AXDND1: variants seen among roughly 807,000 people sequenced by gnomAD.
The protein encoded by AXDND1 is axonemal dynein light chain domain containing 1.
Under a neutral mutation model 137.5 loss-of-function variants are expected in AXDND1, and 110 were observed. That is an observed-to-expected ratio of 0.80 (90% CI 0.69 to 0.94). AXDND1 has a LOEUF of 0.94. AXDND1 is among the 40% of genes least tolerant of loss of function. AXDND1 has a pLI of 0.00. For synonymous variants in AXDND1, 414 were observed against 399.7 expected (o/e 1.04, Z -0.43); for missense variants, 1,191 against 1,169.8 (o/e 1.02, Z -0.26).
At chr1:179,545,962 A>C (rs1219722375) in intron 25 of AXDND1, 1 of 152,192 alleles carries the variant, frequency 6.6e-6, no homozygotes, top group African/African-American at 2.4e-5. Context: ...TTTGAAGGGA[A>C]GTTTTGAAGA....
At chr1:179,476,524 G>A (rs978082784) in intron 17 of AXDND1, among the ~76,000 whole-genome samples, 11 of 151,174 alleles carry the variant, frequency 7.3e-5, no homozygotes, top group African/African-American at 2.4e-4. Context: ...AGGATTTATT[G>A]TAAGGAAAGT....
intron 12 of AXDND1, among the ~76,000 whole-genome samples, chr1:179,414,175 TTGA>T (rs1393009389): frequency 1.4e-5 from 2 of 147,414 alleles, no homozygotes; most frequent in East Asian, 4.0e-4. Flanking sequence ...TTAATAAAGG[TTGA>T]TGAATACAAG....
chr1:179,526,034 A>G (rs1333206040), intron 22 of AXDND1, among the ~76,000 whole-genome samples: 1 of 151,992 alleles, frequency 6.6e-6, no homozygotes, highest in Non-Finnish European at 1.5e-5. Flanking sequence ...TTTTATTCCT[A>G]TTAACTACAC....
At chr1:179,505,655 A>T (rs879298455) in intron 20 of AXDND1, among the ~76,000 whole-genome samples, 6 of 152,002 alleles carry the variant, frequency 3.9e-5, no homozygotes, top group Non-Finnish European at 7.4e-5. Context: ...CTCAAAAAAA[A>T]AAAAAGAAAA....
intron 25 of AXDND1, among the ~76,000 whole-genome samples, chr1:179,539,789 A>G (rs1671937566): frequency 6.6e-6 from 1 of 152,134 alleles, no homozygotes; most frequent in South Asian, 2.1e-4. Context: ...AGTGTTTTCT[A>G]ACTTGATTCC....
intron 9 of AXDND1, among the ~76,000 whole-genome samples, chr1:179,393,316 G>T (rs7515710): frequency 6.6e-6 from 1 of 151,916 alleles, no homozygotes; most frequent in African/African-American, 2.4e-5. Context: ...AGTCTGTTCC[G>T]TTGGTCTATG....
intron 16 of AXDND1, chr1:179,447,717 AC>A: frequency 2.2e-6 from 3 of 1,347,598 alleles, no homozygotes; most frequent in Non-Finnish European, 3.2e-6. Context: ...GCATGACTTT[AC>A]CTAAACTATT....
At position 179,525,427 on chromosome 1, in the gene AXDND1, A is replaced by G; in HGVS notation, c.2590A>G (p.Asn864Asp). ...GGAGGATAGGAAACTTCAGGAGGAA[A>G]ATAAAGAGAGAGCAGAAGAAGTAAG... ...SKEDRKLQEE[N>D]KERAEEQPST... The change falls in exon 22 of 26, where the codon AAT becomes GAT. Residue 864 changes from asparagine (N) to aspartate (D), a missense_variant. Coordinates refer to ENST00000367618, the MANE Select transcript of AXDND1 (RefSeq NM_144696.6). 1 of 1,610,756 alleles carries G rather than the reference A, an allele frequency of 6.2e-7. No homozygotes were observed. Among genetic ancestry groups the G allele is most frequent in the Non-Finnish European group, 8.5e-7 (1 of 1,178,062 alleles).
Position 179,437,034 on chromosome 1 carries a change from A to G in AXDND1, c.1563+4692A>G, listed in dbSNP as rs185509330. ...ATTGTAAAGCTTTGTTTCTCCCAAC[A>G]TATGTCTTCTTCATCTATAAAAGAG... is the stretch of plus-strand genomic sequence containing the variant. On this transcript the variant is annotated intron_variant, in intron 15 of 25. Transcript: ENST00000367618. Among the ~76,000 whole-genome samples, 28 of 150,056 alleles carry G rather than the reference A, an allele frequency of 1.9e-4. No individual in the cohort carries two copies. The East Asian group carries it at 5.2e-3, about 28-fold the overall frequency.
intron 21 of AXDND1, among the ~76,000 whole-genome samples, chr1:179,515,275 G>A (rs950183244): frequency 2.0e-5 from 3 of 152,138 alleles, no homozygotes; most frequent in South Asian, 4.1e-4. Context: ...TGGTAGTGGC[G>A]AATTCTCTCA....
At chr1:179,447,088 TTGAAATA>T (rs1198721773) in intron 16 of AXDND1, among the ~76,000 whole-genome samples, 3 of 152,188 alleles carry the variant, frequency 2.0e-5, no homozygotes, top group Non-Finnish European at 4.4e-5. Flanking sequence ...TCTAGCTACT[TTGAAATA>T]TACTTCATCT....
chr1:179,540,142 T>C (rs1671985216), intron 25 of AXDND1, among the ~76,000 whole-genome samples: 1 of 152,122 alleles, frequency 6.6e-6, no homozygotes. Flanking sequence ...TAGAACATGC[T>C]CCTTTAGCTC....
chr1:179,468,909 T>G (rs1181744931), intron 17 of AXDND1, among the ~76,000 whole-genome samples: 1 of 151,800 alleles, frequency 6.6e-6, no homozygotes, highest in African/African-American at 2.4e-5. Context: ...ACTTTGTCTT[T>G]GTTGATTGTA....
intron 25 of AXDND1, chr1:179,550,958 T>C (rs1255515293): frequency 1.7e-6 from 1 of 604,830 alleles, no homozygotes; most frequent in Non-Finnish European, 2.9e-6. Context: ...ATAATTGCTC[T>C]GACTAGATGA....
chr1:179,420,567 G>T (rs1655522722), intron 12 of AXDND1, among the ~76,000 whole-genome samples: 1 of 151,504 alleles, frequency 6.6e-6, no homozygotes, highest in Non-Finnish European at 1.5e-5. Context: ...TAGGTCCTGG[G>T]ATTTTCTTTG....
At chr1:179,493,032 C>T (rs1356465629) in intron 20 of AXDND1, 81 bp downstream of exon 20, 1 of 897,578 alleles carries the variant, frequency 1.1e-6, no homozygotes, top group African/African-American at 1.7e-5. Flanking sequence ...TGATGTACAA[C>T]AAGCTCACAT....
chr1:179,543,192 G>T (rs1206243448), intron 25 of AXDND1: 1 of 152,124 alleles, frequency 6.6e-6, no homozygotes, highest in Non-Finnish European at 1.5e-5. Flanking sequence ...GAGAAGACCT[G>T]GACAGAGTAG....
intron 25 of AXDND1, chr1:179,552,805 A>T (rs1673510466): frequency 9.3e-6 from 7 of 749,970 alleles, no homozygotes; most frequent in Non-Finnish European, 1.7e-5. Context: ...GAGTGACCAG[A>T]GTGTGCCATT....
At chr1:179,551,036 A>G (rs1478909536) in intron 25 of AXDND1, 5 of 1,007,950 alleles carry the variant, frequency 5.0e-6, no homozygotes, top group Non-Finnish European at 6.1e-6. Context: ...TGGATGGTGC[A>G]TTGTGACTTC....
Sources: allele counts gnomAD v4.1 joint callset (sites outside exome capture counted in the v4.1 genomes callset), GRCh38; gene constraint gnomAD v4.1.1; transcripts MANE v1.5; gene names NCBI Gene and HGNC (gene_info 2026-07-23, HGNC 2026-07-21).